Variants in CNTN4 observed in about 807,000 individuals in gnomAD.
The protein encoded by CNTN4 is contactin 4.
CNTN4 carries 77 observed loss-of-function variants against 122.5 expected under a neutral mutation model. The observed-to-expected ratio is 0.63, with a 90% confidence interval of 0.52 to 0.76. The LOEUF is 0.76. Ranked by LOEUF, CNTN4 falls within the 30% of genes least tolerant of loss-of-function variation. CNTN4 has a pLI of 0.00. For missense variants in CNTN4, 1,256 were observed against 1,259.1 expected, an observed-to-expected ratio of 1.00 and a Z score of 0.04; for synonymous variants, 512 against 447.0, an observed-to-expected ratio of 1.15 and a Z score of -1.83.
chr3:2,138,910 G>C (rs572258216), intron 2 of CNTN4, among the ~76,000 whole-genome samples: 1 of 151,992 alleles, frequency 6.6e-6, no homozygotes, highest in African/African-American at 2.4e-5. Flanking sequence ...TCGCCTATGG[G>C]TTTTCTTTCT....
chr3:2,916,663 C>T (rs1278215118), intron 12 of CNTN4, among the ~76,000 whole-genome samples: 4 of 85,394 alleles, frequency 4.7e-5, no homozygotes, highest in East Asian at 1.3e-3. Flanking sequence ...CCCCCCCTTC[C>T]ACTCGACAAA....
chr3:2,406,067 A>G (rs2874300), intron 3 of CNTN4, among the ~76,000 whole-genome samples: 28,736 of 151,884 alleles, frequency 0.19, 3,416 homozygotes, highest in Middle Eastern at 0.29. Context: ...AAAAAAAACT[A>G]TGGTAATAAT....
chr3:2,283,305 G>A (rs2041788379), intron 2 of CNTN4, among the ~76,000 whole-genome samples: 1 of 152,016 alleles, frequency 6.6e-6, no homozygotes, highest in African/African-American at 2.4e-5. Context: ...ACAAAATATT[G>A]CATAAATAAT....
At chr3:2,927,051 T>C (rs946326536) in intron 13 of CNTN4, among the ~76,000 whole-genome samples, 1 of 152,228 alleles carries the variant, frequency 6.6e-6, no homozygotes, top group Non-Finnish European at 1.5e-5. Context: ...TTACTTTTAA[T>C]ATAGTTGAAA....
At chr3:2,703,043 T>C (rs1298580260) in intron 4 of CNTN4, among the ~76,000 whole-genome samples, 1 of 152,150 alleles carries the variant, frequency 6.6e-6, no homozygotes, top group Non-Finnish European at 1.5e-5. Flanking sequence ...ATTCCAAGGG[T>C]TTTACAGGTA....
At chr3:2,746,667 C>A (rs756545126) in intron 6 of CNTN4, among the ~76,000 whole-genome samples, 23 of 152,212 alleles carry the variant, frequency 1.5e-4, no homozygotes, top group Admixed American at 1.1e-3. Context: ...AAATCCTCTC[C>A]AGGAACTCAA....
At chr3:2,173,481 T>G (rs1271786576) in intron 2 of CNTN4, among the ~76,000 whole-genome samples, 1 of 152,214 alleles carries the variant, frequency 6.6e-6, no homozygotes, top group Non-Finnish European at 1.5e-5. Context: ...AGATTTTTAT[T>G]GAAGTATTTA....
intron 11 of CNTN4, among the ~76,000 whole-genome samples, chr3:2,901,148 A>G (rs2094168578): frequency 6.6e-6 from 1 of 152,196 alleles, no homozygotes; most frequent in Admixed American, 6.5e-5. Context: ...CATCCACTAC[A>G]AGAGAAGGGG....
intron 3 of CNTN4, among the ~76,000 whole-genome samples, chr3:2,346,615 T>C (rs1575425994): frequency 1.3e-5 from 2 of 152,314 alleles, no homozygotes; most frequent in East Asian, 1.9e-4. Flanking sequence ...AATTCTTAGT[T>C]AATGGTATTT....
At chr3:2,220,065 G>T (rs1231849206) in intron 2 of CNTN4, among the ~76,000 whole-genome samples, 1 of 152,012 alleles carries the variant, frequency 6.6e-6, no homozygotes, top group Non-Finnish European at 1.5e-5. Context: ...TTTCTTCTCT[G>T]CCATCACTCA....
At chr3:2,538,974 A>G (rs1451223272) in intron 3 of CNTN4, among the ~76,000 whole-genome samples, 1 of 151,980 alleles carries the variant, frequency 6.6e-6, no homozygotes, top group Non-Finnish European at 1.5e-5. Flanking sequence ...TCAAATATAT[A>G]TGCTCAAAAT....
At chr3:2,621,895 G>A (rs2082003840) in intron 4 of CNTN4, among the ~76,000 whole-genome samples, 1 of 152,052 alleles carries the variant, frequency 6.6e-6, no homozygotes, top group South Asian at 2.1e-4. Context: ...GGGATCTTTT[G>A]TGTGTCCAGC....
At chr3:2,760,062 G>A (rs1559473631) in intron 6 of CNTN4, among the ~76,000 whole-genome samples, 1 of 151,902 alleles carries the variant, frequency 6.6e-6, no homozygotes, top group African/African-American at 2.4e-5. Context: ...ATATTTCTTT[G>A]TATATTCCTC....
intron 3 of CNTN4, among the ~76,000 whole-genome samples, chr3:2,373,103 TC>T (rs1286682283): frequency 6.6e-6 from 1 of 152,144 alleles, no homozygotes; most frequent in Non-Finnish European, 1.5e-5. Flanking sequence ...TTGTTTCTAA[TC>T]CCCCTGGGGT....
chr3:2,343,552 G>C (rs1395128127), intron 3 of CNTN4, among the ~76,000 whole-genome samples: 1 of 152,142 alleles, frequency 6.6e-6, no homozygotes, highest in Non-Finnish European at 1.5e-5. Flanking sequence ...AACCTCTAGA[G>C]GGTAAACCCC....
Position 2,405,830 on chromosome 3 carries a change from C to G in CNTN4, c.-89+66597C>G, listed in dbSNP as rs190838628. On this transcript the variant is annotated intron_variant, in intron 3 of 24. Coordinates refer to ENST00000418658, the MANE Select transcript of CNTN4 (RefSeq NM_175607.3). ...TCGAGCTTGAGAGATCAAGACCAGC[C>G]TGGGCAACATGGCAAAATCTCATCT... is the stretch of plus-strand genomic sequence containing the variant. Among the ~76,000 whole-genome samples the G allele has an allele frequency of 9.9e-4, 151 of 152,072 alleles. 2 individuals carry two copies. The East Asian group carries it at 0.022, about 22-fold the overall frequency.
chr3:2,595,631 A>G (rs1473559157), intron 4 of CNTN4, among the ~76,000 whole-genome samples: 1 of 152,088 alleles, frequency 6.6e-6, no homozygotes. Flanking sequence ...ATACTAAAGT[A>G]TCCCTTGTGT....
Position 2,484,114 on chromosome 3 carries a change from G to C in CNTN4, c.-88-87302G>C, listed in dbSNP as rs187689385. Among the ~76,000 whole-genome samples the C allele has an allele frequency of 4.0e-5, 6 of 151,764 alleles. No homozygotes were observed. The East Asian group carries it at 9.7e-4, about 25-fold the overall frequency. ...GAACTTTCTTAAAACTCAACAATCA[G>C]GAAACAAACAACAAATTTTAAAAAT... On this transcript the variant is annotated intron_variant, in intron 3 of 24. Transcript: ENST00000418658.
Position 2,944,592 on chromosome 3 carries a change from C to T in CNTN4, c.1358+18813C>T, listed in dbSNP as rs145160666. On this transcript the variant is annotated intron_variant, in intron 13 of 24. Coordinates refer to ENST00000418658, the MANE Select transcript of CNTN4 (RefSeq NM_175607.3). ...AACACCTACCGAAAACACAGCAAAG[C>T]AAAATGTAAGAAAACTAACAGGAAT... is the stretch of plus-strand genomic sequence containing the variant. Among the ~76,000 whole-genome samples the T allele has an allele frequency of 6.5e-3, 991 of 152,080 alleles. 11 individuals carry two copies. Among genetic ancestry groups the T allele is most frequent in the African/African-American group, 0.023 (959 of 41,380 alleles).
Sources: gnomAD v4.1 joint callset for allele counts (sites outside exome capture counted in the v4.1 genomes callset) on GRCh38, gnomAD v4.1.1 for gene constraint, MANE v1.5 for transcripts, NCBI Gene and HGNC (gene_info 2026-07-23, HGNC 2026-07-21) for gene names.